TMEM223: variants seen among roughly 807,000 people sequenced by gnomAD.
TMEM223 encodes the protein transmembrane protein 223.
In TMEM223, 14 loss-of-function variants were observed where a neutral mutation model predicts 14.1. That is an observed-to-expected ratio of 0.99 (90% confidence interval 0.66 to 1.55). The LOEUF is 1.55. Ranked by LOEUF, TMEM223 falls within the 40% of genes most tolerant of loss-of-function variation. The pLI is 0.00. For missense variants in TMEM223, 346 were observed against 269.9 expected (o/e 1.28, Z -1.97); for synonymous variants, 145 against 120.5 (o/e 1.20, Z -1.33).
At position 62,782,277 on chromosome 11, in the gene TMEM223, G is replaced by C. The variant is rs1025184421; in HGVS notation, c.315-7612C>G. Reference sequence around the variant, plus strand: ...CACTGGCTGCCTCCATCAACCCCCTGAATGACCACTGGACTCTGCGGGATG... The same window carrying C: ...CACTGGCTGCCTCCATCAACCCCCTCAATGACCACTGGACTCTGCGGGATG... On this transcript the variant is annotated intron_variant, in intron 1 of 2. Coordinates refer to the TMEM223 transcript ENST00000528367. 5 of 1,614,076 alleles carry C rather than the reference G, an allele frequency of 3.1e-6. No homozygotes were observed. The African/African-American group carries it at 6.7e-5, about 22-fold the overall frequency.
intron 1 of TMEM223, chr11:62,776,018 A>T: frequency 6.9e-7 from 1 of 1,459,462 alleles, no homozygotes; most frequent in Non-Finnish European, 9.2e-7. Context: ...ATTCAAGTGT[A>T]CACTGGGTGC....
Position 62,790,431 on chromosome 11 carries a change from GT to G in TMEM223, c.*191del, listed in dbSNP as rs75388959. 6.1e-4 allele frequency: 346 copies of G among 565,846 alleles called. No individual in the cohort carries two copies. The highest frequency in any genetic ancestry group is 2.4e-3 in the East Asian group (76 of 31,684). 35.1% of individuals were successfully genotyped at this position (565,846 alleles called of 1,614,324 possible). ...GTTGTTACTCCATTCTAAGATTGGC[GT>G]TTTTTTTTGTTTTTTTTTTTGTAAA... is the stretch of plus-strand genomic sequence containing the variant. On this transcript the variant is annotated 3_prime_UTR_variant, in exon 2 of 2. Transcript: ENST00000307366.
Position 62,778,861 on chromosome 11 carries a change from T to C in TMEM223, c.315-4196A>G, listed in dbSNP as rs369306412. On this transcript the variant is annotated intron_variant, in intron 1 of 2. Coordinates refer to the TMEM223 transcript ENST00000528367. ...ACCTGTCCCTGCTTCCTGCCTGTCC[T>C]CTGGCAGTGCCCAGTGCTGTGTCTT... 1.7e-5 allele frequency: 28 copies of C among 1,613,590 alleles called. No homozygotes were observed. The African/African-American group carries it at 3.1e-4, about 18-fold the overall frequency.
chr11:62,772,960 C>T (rs1161252880), intron 2 of TMEM223, among the ~76,000 whole-genome samples: 1 of 151,548 alleles, frequency 6.6e-6, no homozygotes, highest in Non-Finnish European at 1.5e-5. Flanking sequence ...TCACTGCAGC[C>T]TCTGCCTCCT....
At chr11:62,789,632 C>A, downstream of TMEM223, 2 of 1,548,606 alleles carry the variant, frequency 1.3e-6, no homozygotes, top group Non-Finnish European at 1.7e-6. Flanking sequence ...TCCATGGACA[C>A]CCCCTGGAAC....
intron 1 of TMEM223, chr11:62,782,475 C>T: frequency 9.7e-7 from 1 of 1,034,518 alleles, no homozygotes; most frequent in Non-Finnish European, 1.4e-6. Context: ...AGCTGGTGTG[C>T]TGTGACACAC....
At chr11:62,788,177 C>T (rs936417812), downstream of TMEM223, among the ~76,000 whole-genome samples, 2 of 152,136 alleles carry the variant, frequency 1.3e-5, no homozygotes, top group African/African-American at 4.8e-5. Flanking sequence ...CTGAGGCAGG[C>T]GGATCACTTG....
At chr11:62,776,261 G>A (rs1389057378) in intron 1 of TMEM223, 1 of 955,418 alleles carries the variant, frequency 1.0e-6, no homozygotes, top group Non-Finnish European at 1.6e-6. Flanking sequence ...CGGAATCTAG[G>A]CTTCTGATCC....
intron 1 of TMEM223, chr11:62,775,941 C>T (rs2084184864): frequency 6.3e-7 from 1 of 1,595,298 alleles, no homozygotes; most frequent in African/African-American, 1.3e-5. Flanking sequence ...GTACACTCCC[C>T]TCACCCCCTG....
At chr11:62,776,658 C>T (rs11231211) in intron 1 of TMEM223, among the ~76,000 whole-genome samples, 5,148 of 152,044 alleles carry the variant, frequency 0.034, 144 homozygotes, top group East Asian at 0.14. Context: ...CAAGACCAGC[C>T]TGGCCAACAT....
Position 62,790,296 on chromosome 11 carries a change from A to T in TMEM223, c.*327T>A, listed in dbSNP as rs554864117. 1,420 of 549,846 alleles carry T rather than the reference A, an allele frequency of 2.6e-3. 7 individuals are homozygous for T. The highest frequency in any genetic ancestry group is 7.1e-3 in the Middle Eastern group (15 of 2,126). 34.1% of individuals were successfully genotyped at this position (549,846 alleles called of 1,614,324 possible). A position where few individuals can be genotyped will look rare whatever the true frequency, so the allele number is the denominator to read the frequency against. On this transcript the variant is annotated 3_prime_UTR_variant, in exon 2 of 2. Transcript: ENST00000307366. Reference sequence around the variant, plus strand: ...ACAACTAGATAGGAGGAAGGAGTGAAGGCTAAGCAGACATGGACTGAAACT... The same window carrying T: ...ACAACTAGATAGGAGGAAGGAGTGATGGCTAAGCAGACATGGACTGAAACT...
chr11:62,775,579 T>C, intron 1 of TMEM223: 1 of 573,272 alleles, frequency 1.7e-6, no homozygotes, highest in East Asian at 3.0e-5. Context: ...TTTGTCTAGC[T>C]TCACCGTTCT....
chr11:62,785,454 A>C (rs565131571), downstream of TMEM223, among the ~76,000 whole-genome samples: 32 of 151,768 alleles, frequency 2.1e-4, no homozygotes, highest in African/African-American at 7.5e-4. Flanking sequence ...GGCCTCCCAA[A>C]GTGCTGGGAT....
downstream of TMEM223, chr11:62,789,764 C>T (rs78183508): frequency 3.7e-3 from 5,574 of 1,511,542 alleles, 164 homozygotes; most frequent in African/African-American, 0.067. Context: ...GCTTGGCCTA[C>T]CAGTGAGAGG....
chr11:62,775,258 T>C lies in TMEM223; in HGVS notation c.315-593A>G, dbSNP rs551641126. On this transcript the variant is annotated intron_variant, in intron 1 of 2. Coordinates refer to the TMEM223 transcript ENST00000528367. Reference sequence around the variant, plus strand: ...GCTCTTTATAAAACCATTAGATCTTTTGAGAACTCACTATCAGGAGAACAG... The same window carrying C: ...GCTCTTTATAAAACCATTAGATCTTCTGAGAACTCACTATCAGGAGAACAG... Among the ~76,000 whole-genome samples, 4 of 152,252 alleles carry C rather than the reference T, an allele frequency of 2.6e-5. No homozygotes were observed. In the East Asian group the frequency reaches 7.7e-4, roughly 29 times the overall value.
At chr11:62,772,219 G>C in intron 2 of TMEM223, 1 of 451,820 alleles carries the variant, frequency 2.2e-6, no homozygotes, top group South Asian at 1.6e-5. Context: ...TGTGTCTCAG[G>C]CATAGTACAG....
intron 1 of TMEM223, chr11:62,778,854 C>T (rs761185097): frequency 1.9e-6 from 3 of 1,612,128 alleles, no homozygotes; most frequent in African/African-American, 1.3e-5. Context: ...CTGCTTCCTG[C>T]CTGTCCTCTG....
At chr11:62,771,154 G>A (rs569591030), downstream of TMEM223, 5 of 152,304 alleles carry the variant, frequency 3.3e-5, no homozygotes, top group African/African-American at 1.2e-4. Flanking sequence ...CGTTACTATT[G>A]TGGTGGTAAA....
rs1184046144 is a variant in TMEM223 at position 62,790,811 on chromosome 11, A to C, written c.421T>G (p.Phe141Val). The change falls in exon 2 of 2, where the codon TTT (phenylalanine) becomes GTT (valine). Residue 141 changes from phenylalanine to valine, a missense_variant. Phe to Val is a conservative substitution (Grantham distance 50, BLOSUM62 -1). Transcript: ENST00000307366. ...ACTGTGAAATGGGCCCCCAAGCCAA[A>C]GGGGGCATGAGTGGTGAGGGTCACC... ...QQVTLTTHAP[F>V]GLGAHFTVPL... 1.2e-6 allele frequency: 2 copies of C among 1,606,082 alleles called. No individual in the cohort carries two copies. Among genetic ancestry groups the C allele is most frequent in the African/African-American group, 2.7e-5 (2 of 74,892 alleles).
Sources: gnomAD v4.1 joint callset for allele counts (sites outside exome capture counted in the v4.1 genomes callset) on GRCh38, gnomAD v4.1.1 for gene constraint, MANE v1.5 for transcripts, NCBI Gene and HGNC (gene_info 2026-07-23, HGNC 2026-07-21) for gene names.